CDH20: variants seen among roughly 807,000 people sequenced by gnomAD.
CDH20 encodes the protein cadherin 20.
CDH20 carries 29 observed loss-of-function variants against 74.2 expected under a neutral mutation model. That is an observed-to-expected ratio of 0.39 (90% CI 0.29 to 0.53). The LOEUF is 0.53. CDH20 is among the 20% of genes least tolerant of loss of function. The pLI, the probability that CDH20 is intolerant of heterozygous loss-of-function variation, is 0.69. For missense variants in CDH20, 988 were observed against 1,048.3 expected (o/e 0.94, Z 0.79); for synonymous variants, 469 against 405.4 (o/e 1.16, Z -1.88).
chr18:61,431,630 G>A (rs1015675058), intron 1 of CDH20, among the ~76,000 whole-genome samples: 6 of 151,904 alleles, frequency 3.9e-5, no homozygotes, highest in African/African-American at 1.2e-4. Context: ...GACCTAGAAA[G>A]TGCCTACCAT....
intron 6 of CDH20, among the ~76,000 whole-genome samples, chr18:61,514,431 T>C (rs1268717463): frequency 6.6e-6 from 1 of 152,228 alleles, no homozygotes; most frequent in Non-Finnish European, 1.5e-5. Context: ...TCTACTTCTT[T>C]GCCTTTGGTT....
intron 1 of CDH20, among the ~76,000 whole-genome samples, chr18:61,345,811 C>T (rs905753072): frequency 6.6e-6 from 1 of 152,104 alleles, no homozygotes; most frequent in Non-Finnish European, 1.5e-5. Context: ...CACTTCCATC[C>T]TCCACGAGCC....
At chr18:61,544,626 A>G (rs1599160514) in intron 9 of CDH20, among the ~76,000 whole-genome samples, 1 of 152,274 alleles carries the variant, frequency 6.6e-6, no homozygotes, top group Middle Eastern at 3.4e-3. Flanking sequence ...TGGCATCCGC[A>G]TCATTCCACC....
In CDH20 at chr18:61,334,215, G is replaced by T. The variant is rs2144073608; in HGVS notation, c.-153+388G>T. ...GGCTTCACCCTCGCTGGCCCCGCAG[G>T]CGGTGGCGCCTCCCTCCGCCTGCAG... On this transcript the variant is annotated intron_variant, in intron 1 of 11. Coordinates refer to ENST00000262717, the MANE Select transcript of CDH20 (RefSeq NM_031891.4). The T allele has an allele frequency of 1.3e-5, 2 of 152,246 alleles. 1 individual carries two copies. Among genetic ancestry groups the T allele is most frequent in the South Asian group, 4.1e-4 (2 of 4,824 alleles). The allele number at this position is 152,246 out of a possible 1,614,324, so 9.4% of individuals were successfully genotyped here.
At chr18:61,515,813 G>A (rs1412804818) in intron 6 of CDH20, among the ~76,000 whole-genome samples, 2 of 150,530 alleles carry the variant, frequency 1.3e-5, no homozygotes, top group East Asian at 2.0e-4. Context: ...AGCATTGGGA[G>A]ATATACCTAA....
At chr18:61,538,834 A>T (rs1912924746) in intron 8 of CDH20, among the ~76,000 whole-genome samples, 190 bp from the exon 9 acceptor site, 1 of 151,346 alleles carries the variant, frequency 6.6e-6, no homozygotes, top group South Asian at 2.1e-4. Flanking sequence ...GTTATCCAGG[A>T]TGTTATCCAG....
chr18:61,505,464 T>A (rs910481479), intron 5 of CDH20, among the ~76,000 whole-genome samples: 7 of 151,336 alleles, frequency 4.6e-5, no homozygotes, highest in Non-Finnish European at 7.4e-5. Flanking sequence ...AGCTCCTGAA[T>A]AGCCAGAACT....
At chr18:61,394,286 G>A (rs574506335) in intron 1 of CDH20, among the ~76,000 whole-genome samples, 13 of 152,264 alleles carry the variant, frequency 8.5e-5, no homozygotes, top group Admixed American at 3.9e-4. Flanking sequence ...TTCCATTGTT[G>A]AGGTTCTACC....
chr18:61,547,006 C>G (rs1165836689), intron 10 of CDH20, among the ~76,000 whole-genome samples: 3 of 152,170 alleles, frequency 2.0e-5, no homozygotes, highest in Non-Finnish European at 4.4e-5. Context: ...GCCTGGGCAA[C>G]ACAGCAAGAC....
intron 1 of CDH20, among the ~76,000 whole-genome samples, chr18:61,379,791 C>G (rs545024083): frequency 6.6e-6 from 1 of 152,094 alleles, no homozygotes; most frequent in East Asian, 1.9e-4. Flanking sequence ...AAGAGTTTCA[C>G]ATACATGAGA....
intron 1 of CDH20, among the ~76,000 whole-genome samples, chr18:61,390,455 G>C (rs1347021321): frequency 6.6e-6 from 1 of 152,134 alleles, no homozygotes; most frequent in Non-Finnish European, 1.5e-5. Flanking sequence ...CTTGCGACAG[G>C]ATATTTTTGT....
chr18:61,478,173 T>G (rs968067234), intron 1 of CDH20, among the ~76,000 whole-genome samples: 7 of 150,802 alleles, frequency 4.6e-5, no homozygotes, highest in South Asian at 2.1e-4. Flanking sequence ...CACTCCAGCC[T>G]GGGCAACAGA....
chr18:61,476,831 G>T (rs60703644), intron 1 of CDH20, among the ~76,000 whole-genome samples: 1 of 152,230 alleles, frequency 6.6e-6, no homozygotes, highest in African/African-American at 2.4e-5. Context: ...TTTGTCTTGG[G>T]CCATTTGGGA....
chr18:61,350,669 C>T (rs905026360), intron 1 of CDH20, among the ~76,000 whole-genome samples: 1 of 152,122 alleles, frequency 6.6e-6, no homozygotes, highest in Non-Finnish European at 1.5e-5. Flanking sequence ...ACACCATAGT[C>T]GTCTATTTCT....
intron 1 of CDH20, among the ~76,000 whole-genome samples, chr18:61,373,270 T>C (rs891326686): frequency 2.6e-5 from 4 of 152,106 alleles, no homozygotes; most frequent in African/African-American, 9.7e-5. Context: ...CTAACTTTTC[T>C]ACTTTGGGGT....
intron 1 of CDH20, among the ~76,000 whole-genome samples, chr18:61,416,469 G>A (rs1912688079): frequency 6.6e-6 from 1 of 152,160 alleles, no homozygotes; most frequent in Non-Finnish European, 1.5e-5. Flanking sequence ...CTTAGAAATG[G>A]CAGCATCATG....
intron 1 of CDH20, among the ~76,000 whole-genome samples, chr18:61,387,200 T>C (rs1911627359): frequency 6.6e-6 from 1 of 152,172 alleles, no homozygotes; most frequent in Non-Finnish European, 1.5e-5. Flanking sequence ...CTAATGCCAA[T>C]GACCAACAAT....
intron 2 of CDH20, among the ~76,000 whole-genome samples, chr18:61,498,516 C>T (rs572317645): frequency 2.3e-4 from 35 of 152,074 alleles, no homozygotes; most frequent in Non-Finnish European, 4.1e-4. Context: ...CAGTTATGAA[C>T]CCAAGAACCA....
chr18:61,481,179 G>GA (rs1305236760), intron 1 of CDH20, among the ~76,000 whole-genome samples: 2 of 152,156 alleles, frequency 1.3e-5, no homozygotes, highest in African/African-American at 2.4e-5. Context: ...ACAATATGGA[G>GA]AAAAAACAGA....
Sources: allele counts gnomAD v4.1 joint callset (sites outside exome capture counted in the v4.1 genomes callset), GRCh38; gene constraint gnomAD v4.1.1; transcripts MANE v1.5; gene names NCBI Gene and HGNC (gene_info 2026-07-23, HGNC 2026-07-21).